Variants in DLG2 observed in about 807,000 individuals in gnomAD.
DLG2 encodes discs large MAGUK scaffold protein 2.
A neutral mutation model predicts 132.5 loss-of-function variants in DLG2; 45 were observed. The ratio of observed to expected loss-of-function variants is 0.34; its 90% CI spans 0.27 to 0.44. DLG2 has a LOEUF of 0.44. DLG2 is among the 20% of genes least tolerant of loss of function. The pLI is 1.00. For missense variants in DLG2, 1,045 were observed against 1,196.9 expected, an observed-to-expected ratio of 0.87 and a Z score of 1.87; for synonymous variants, 424 against 419.6, an observed-to-expected ratio of 1.01 and a Z score of -0.13.
intron 6 of DLG2, among the ~76,000 whole-genome samples, chr11:84,977,597 T>A (rs1281056208): frequency 6.6e-6 from 1 of 152,164 alleles, no homozygotes; most frequent in African/African-American, 2.4e-5. Flanking sequence ...GATGAAAAAC[T>A]AAAATAAATA....
chr11:84,897,693 A>T (rs2090382552), intron 6 of DLG2, among the ~76,000 whole-genome samples: 1 of 151,898 alleles, frequency 6.6e-6, no homozygotes, highest in East Asian at 1.9e-4. Context: ...GACTAAATAA[A>T]AATTAGATGC....
chr11:85,390,736 A>G (rs1205124547), intron 3 of DLG2, among the ~76,000 whole-genome samples: 2 of 152,136 alleles, frequency 1.3e-5, no homozygotes, highest in Admixed American at 1.3e-4. Flanking sequence ...AATTCTTTCA[A>G]CTAAACAATA....
At chr11:85,169,841 A>C (rs1484609053) in intron 4 of DLG2, among the ~76,000 whole-genome samples, 1 of 152,196 alleles carries the variant, frequency 6.6e-6, no homozygotes, top group Non-Finnish European at 1.5e-5. Context: ...AAGGTCAAAA[A>C]GTCCTTGATT....
In DLG2 at chr11:85,224,909, T is replaced by A. The variant is rs145873386; in HGVS notation, c.186+60311A>T. On this transcript the variant is annotated intron_variant, in intron 4 of 27. Transcript: ENST00000376104. The stretch of plus-strand genomic sequence containing the variant: ...GTATAAACAACAATTTCTCATTGGA[T>A]AATGTTACCCTACCTTTTATTTTTC... Among the ~76,000 whole-genome samples, 260 of 152,302 alleles carry A rather than the reference T, an allele frequency of 1.7e-3. 1 individual carries two copies. The highest frequency in any genetic ancestry group is 6.1e-3 in the African/African-American group (254 of 41,594).
chr11:84,628,076 C>CTA (rs200760854), intron 6 of DLG2, among the ~76,000 whole-genome samples: 3,370 of 148,780 alleles, frequency 0.023, 146 homozygotes, highest in African/African-American at 0.078. Flanking sequence ...TGAAAAATGA[C>CTA]TATATATATA....
intron 8 of DLG2, among the ~76,000 whole-genome samples, chr11:84,178,748 A>T (rs1006299611): frequency 1.3e-5 from 2 of 152,096 alleles, no homozygotes; most frequent in African/African-American, 4.8e-5. Flanking sequence ...AAAAAGAAAA[A>T]AAAAACAAGA....
intron 6 of DLG2, among the ~76,000 whole-genome samples, chr11:84,556,512 G>A (rs368406176): frequency 3.8e-4 from 58 of 152,280 alleles, no homozygotes; most frequent in Middle Eastern, 3.4e-3. Context: ...CACACTGATA[G>A]CTGATGAGCT....
chr11:83,801,111 C>T (rs10898155), intron 17 of DLG2, among the ~76,000 whole-genome samples: 69,177 of 151,918 alleles, frequency 0.46, 15,937 homozygotes, highest in Middle Eastern at 0.61. Context: ...CCTCTCAAAC[C>T]ACTGAATCAA....
At chr11:84,759,092 G>T (rs190901281) in intron 6 of DLG2, among the ~76,000 whole-genome samples, 1 of 152,172 alleles carries the variant, frequency 6.6e-6, no homozygotes, top group Non-Finnish European at 1.5e-5. Flanking sequence ...TGTCCAGGCT[G>T]GTCTTGAACT....
At chr11:84,173,345 A>T (rs971245724) in intron 8 of DLG2, among the ~76,000 whole-genome samples, 4 of 152,168 alleles carry the variant, frequency 2.6e-5, no homozygotes, top group African/African-American at 9.7e-5. Flanking sequence ...ATGCTCTTTG[A>T]GAACAGTAAA....
chr11:84,133,220 G>A (rs2094481467), intron 9 of DLG2, among the ~76,000 whole-genome samples: 1 of 152,036 alleles, frequency 6.6e-6, no homozygotes, highest in Non-Finnish European at 1.5e-5. Context: ...TATTTAAAAT[G>A]TAAAAAGCAA....
chr11:83,683,537 T>C (rs1251579148), intron 18 of DLG2, among the ~76,000 whole-genome samples: 1 of 152,168 alleles, frequency 6.6e-6, no homozygotes, highest in Non-Finnish European at 1.5e-5. Context: ...AAAAGATAAG[T>C]TTTGAAATTC....
chr11:84,259,087 C>G (rs11233968), intron 7 of DLG2, among the ~76,000 whole-genome samples: 11,953 of 152,056 alleles, frequency 0.079, 547 homozygotes, highest in African/African-American at 0.14. Context: ...GCCTGGCCAA[C>G]AGGGTGAAAC....
chr11:83,721,397 T>C lies in DLG2; in HGVS notation c.1825+65293A>G, dbSNP rs113690879. On this transcript the variant is annotated intron_variant, in intron 18 of 27. Transcript: ENST00000376104. ...ACCACAATATATTAAGTATGAGTGATTGCATAAGGCACAAACCTGCTACTA... is the reference window on the plus strand; with the variant it reads ...ACCACAATATATTAAGTATGAGTGACTGCATAAGGCACAAACCTGCTACTA... Among the ~76,000 whole-genome samples the C allele has an allele frequency of 6.7e-3, 1,025 of 152,320 alleles. 10 individuals are homozygous for C. Among genetic ancestry groups the C allele is most frequent in the African/African-American group, 0.022 (900 of 41,564 alleles).
In DLG2 at chr11:84,377,406, C is replaced by T. The variant is rs193024145; in HGVS notation, c.520-126115G>A. 3.4e-4 allele frequency among the ~76,000 whole-genome samples: 51 copies of T among 151,842 alleles called. No individual in the cohort carries two copies. In the East Asian group the frequency reaches 8.9e-3, roughly 27 times the overall value. On this transcript the variant is annotated intron_variant, in intron 7 of 27. Coordinates refer to ENST00000376104, the MANE Select transcript of DLG2 (RefSeq NM_001142699.3). ...TTGGGCCCAAATTTAAACAAACCAACCATAAAATGACATTTTTGAAATAAT... is the reference window on the plus strand; with the variant it reads ...TTGGGCCCAAATTTAAACAAACCAATCATAAAATGACATTTTTGAAATAAT...
chr11:84,462,535 T>A (rs182397948), intron 7 of DLG2, among the ~76,000 whole-genome samples: 1 of 151,202 alleles, frequency 6.6e-6, no homozygotes, highest in Admixed American at 6.6e-5. Flanking sequence ...GAAATGAACC[T>A]ATGTTAAGAA....
intron 3 of DLG2, chr11:85,524,914 C>T (rs1565633824): frequency 6.6e-6 from 1 of 151,546 alleles, no homozygotes; most frequent in Non-Finnish European, 1.5e-5. Context: ...ATGAGAGAAA[C>T]GTCTGGTATG....
intron 3 of DLG2, among the ~76,000 whole-genome samples, chr11:85,398,597 A>G (rs1294711863): frequency 6.6e-6 from 1 of 152,212 alleles, no homozygotes; most frequent in Admixed American, 6.5e-5. Context: ...TAAAGGGGAT[A>G]TCACCACAAT....
intron 6 of DLG2, among the ~76,000 whole-genome samples, chr11:84,617,364 T>C (rs1425326372): frequency 6.6e-6 from 1 of 152,178 alleles, no homozygotes; most frequent in Non-Finnish European, 1.5e-5. Flanking sequence ...TGTACCACAT[T>C]TTCTTTATCC....
Sources: allele counts gnomAD v4.1 joint callset (sites outside exome capture counted in the v4.1 genomes callset), GRCh38; gene constraint gnomAD v4.1.1; transcripts MANE v1.5; gene names NCBI Gene and HGNC (gene_info 2026-07-23, HGNC 2026-07-21).